Variants in USH2A observed in about 807,000 individuals in gnomAD.
USH2A encodes usherin.
In USH2A, 443 loss-of-function variants were observed where a neutral mutation model predicts 538.9. That is an observed-to-expected ratio of 0.82 (90% CI 0.76 to 0.89). The LOEUF (loss-of-function observed/expected upper bound fraction) is 0.89, where lower values mean the gene tolerates loss of function less well. USH2A is among the 40% of genes least tolerant of loss of function. The pLI, the probability that USH2A is intolerant of heterozygous loss-of-function variation, is 0.00. For missense variants in USH2A, 6,633 were observed against 6,324.8 expected (o/e 1.05, Z -1.65); for synonymous variants, 2,413 against 2,273.5 (o/e 1.06, Z -1.75).
chr1:216,175,132 G>T (rs1486237929), intron 21 of USH2A, 120 bp downstream of exon 21: 19 of 1,528,298 alleles, frequency 1.2e-5, no homozygotes, highest in Non-Finnish European at 1.6e-5. Flanking sequence ...GCTATCAAAG[G>T]GCTGAATTAG....
At chr1:215,789,602 C>T (rs1220124397) in intron 51 of USH2A, among the ~76,000 whole-genome samples, 1 of 152,050 alleles carries the variant, frequency 6.6e-6, no homozygotes, top group Non-Finnish European at 1.5e-5. Context: ...CTTGCATTGT[C>T]CAAGGGAATA....
chr1:216,152,660 T>A (rs1237366618), intron 21 of USH2A, among the ~76,000 whole-genome samples: 2 of 152,138 alleles, frequency 1.3e-5, no homozygotes, highest in Non-Finnish European at 2.9e-5. Context: ...AAAGCCTGTT[T>A]GGTGGTCTCT....
At chr1:215,652,434 C>T (rs926766944) in intron 64 of USH2A, among the ~76,000 whole-genome samples, 4 of 152,200 alleles carry the variant, frequency 2.6e-5, no homozygotes, top group African/African-American at 9.6e-5. Context: ...GATGGATAGA[C>T]ATGTACAAGT....
chr1:215,996,560 G>GTTTTTTTTTTT lies in USH2A; in HGVS notation c.6657+2316_6657+2326dup, dbSNP rs753233925. On this transcript the variant is annotated intron_variant, in intron 34 of 71. Coordinates refer to ENST00000307340, the MANE Select transcript of USH2A (RefSeq NM_206933.4). ...TTTGTTGAGAGTAGCAACATATTAT[G>GTTTTTTTTTTT]TTTTTTTTTTTTTTTTTTTTTTTTT... Among the ~76,000 whole-genome samples, 30 of 51,718 alleles carry GTTTTTTTTTTT rather than the reference G, an allele frequency of 5.8e-4. 8 individuals are homozygous for GTTTTTTTTTTT. The highest frequency in any genetic ancestry group is 1.9e-3 in the African/African-American group (21 of 10,788). The allele number at this position is 51,718 out of a possible 152,430, so 33.9% of individuals were successfully genotyped here.
chr1:215,836,445 ATGTGTGTGTG>A (rs1169905149), intron 47 of USH2A, among the ~76,000 whole-genome samples: 2 of 85,226 alleles, frequency 2.3e-5, no homozygotes, highest in South Asian at 3.6e-4. Flanking sequence ...TTTGCCTTCT[ATGTGTGTGTG>A]TATATATATT....
chr1:216,025,553 C>T (rs907217763), intron 32 of USH2A, among the ~76,000 whole-genome samples: 2 of 151,970 alleles, frequency 1.3e-5, no homozygotes, highest in Non-Finnish European at 2.9e-5. Context: ...ATTAAAACCA[C>T]ATAGTATGAA....
chr1:216,063,116 C>G (rs2031238093), intron 30 of USH2A, among the ~76,000 whole-genome samples: 1 of 152,162 alleles, frequency 6.6e-6, no homozygotes, highest in African/African-American at 2.4e-5. Flanking sequence ...TTTTCAAGAT[C>G]AGTAGCAAAA....
intron 70 of USH2A, among the ~76,000 whole-genome samples, chr1:215,631,923 G>A (rs1429598370): frequency 6.6e-6 from 1 of 152,234 alleles, no homozygotes; most frequent in African/African-American, 2.4e-5. Flanking sequence ...AGGACAGCAA[G>A]GTCTAACCAG....
intron 21 of USH2A, among the ~76,000 whole-genome samples, chr1:216,104,140 A>G (rs2032664439): frequency 6.6e-6 from 1 of 151,700 alleles, no homozygotes; most frequent in Non-Finnish European, 1.5e-5. Context: ...ATATGCATAT[A>G]TGTGTCATGT....
intron 70 of USH2A, among the ~76,000 whole-genome samples, chr1:215,630,568 T>C (rs1656246618): frequency 7.1e-6 from 1 of 141,350 alleles, no homozygotes; most frequent in African/African-American, 2.7e-5. Context: ...AACTTCATAG[T>C]GAGGCCGGGT....
chr1:216,315,584 G>T (rs1356974902), intron 9 of USH2A, among the ~76,000 whole-genome samples: 1 of 151,894 alleles, frequency 6.6e-6, no homozygotes, highest in African/African-American at 2.4e-5. Context: ...TTTTAAGTGG[G>T]TATATTTTAT....
intron 50 of USH2A, among the ~76,000 whole-genome samples, chr1:215,796,821 T>A (rs1241695566): frequency 6.6e-6 from 1 of 152,176 alleles, no homozygotes; most frequent in African/African-American, 2.4e-5. Context: ...CAGTTATGCA[T>A]GCAAAGGAAC....
At chr1:215,816,640 C>A (rs990282917) in intron 48 of USH2A, among the ~76,000 whole-genome samples, 6 of 152,060 alleles carry the variant, frequency 3.9e-5, no homozygotes, top group African/African-American at 1.4e-4. Flanking sequence ...ATATTTCTGA[C>A]AAATCATAAA....
Position 215,727,276 on chromosome 1 carries a change from C to CAT in USH2A, c.12066+752_12066+753dup, listed in dbSNP as rs553362346. The stretch of plus-strand genomic sequence containing the variant: ...GTATACACATACATATATACATATA[C>CAT]ATATATATATAGCTATATATTATAC... On this transcript the variant is annotated intron_variant, in intron 61 of 71. Transcript: ENST00000307340. 1.2e-3 allele frequency among the ~76,000 whole-genome samples: 175 copies of CAT among 151,720 alleles called. 2 individuals carry two copies. The South Asian group carries it at 0.016, about 14-fold the overall frequency.
intron 21 of USH2A, among the ~76,000 whole-genome samples, chr1:216,104,553 G>A (rs1332121643): frequency 1.3e-5 from 2 of 152,084 alleles, no homozygotes; most frequent in Admixed American, 6.6e-5. Flanking sequence ...CAAACCTGAC[G>A]AAAATAAGAA....
At chr1:216,152,075 C>T (rs376300747) in intron 21 of USH2A, among the ~76,000 whole-genome samples, 20 of 152,198 alleles carry the variant, frequency 1.3e-4, no homozygotes, top group African/African-American at 2.4e-4. Flanking sequence ...GTTCCCACGC[C>T]GCCCCTAATC....
At chr1:215,792,784 C>T (rs1277324208) in intron 50 of USH2A, among the ~76,000 whole-genome samples, 2 of 152,192 alleles carry the variant, frequency 1.3e-5, no homozygotes, top group African/African-American at 4.8e-5. Context: ...TAGCACTTGA[C>T]TTTTGAACTT....
chr1:215,651,572 A>T (rs1393058425), intron 64 of USH2A, among the ~76,000 whole-genome samples: 2 of 152,056 alleles, frequency 1.3e-5, no homozygotes, highest in Non-Finnish European at 2.9e-5. Flanking sequence ...TCTACATTAT[A>T]TATTTTCTAA....
intron 44 of USH2A, among the ~76,000 whole-genome samples, chr1:215,848,218 A>G (rs1024769651): frequency 8.5e-5 from 13 of 152,060 alleles, no homozygotes; most frequent in Non-Finnish European, 2.9e-5. Context: ...ATTATTTATT[A>G]CTCATTAATT....
Sources: allele counts gnomAD v4.1 joint callset (sites outside exome capture counted in the v4.1 genomes callset), GRCh38; gene constraint gnomAD v4.1.1; transcripts MANE v1.5; gene names NCBI Gene and HGNC (gene_info 2026-07-23, HGNC 2026-07-21).